The following NIF3L1 variants were observed in gnomAD, a reference collection of about 807,000 sequenced individuals.
NIF3L1 encodes the protein NGG1 interacting factor 3 like 1.
Under a neutral mutation model 35.0 loss-of-function variants are expected in NIF3L1, and 26 were observed. The observed-to-expected ratio is 0.74, with a 90% confidence interval of 0.54 to 1.03. NIF3L1 has a LOEUF of 1.03. Ranked by LOEUF, NIF3L1 falls within the 50% of genes least tolerant of loss-of-function variation. NIF3L1 has a pLI of 0.00. For missense variants in NIF3L1, 449 were observed against 466.3 expected (o/e 0.96, Z 0.34); for synonymous variants, 157 against 178.9 (o/e 0.88, Z 0.98).
At chr2:200,898,200 T>A (rs1364219926) in intron 5 of NIF3L1, among the ~76,000 whole-genome samples, 1 of 152,218 alleles carries the variant, frequency 6.6e-6, no homozygotes, top group Non-Finnish European at 1.5e-5. Context: ...GTTCTCACGC[T>A]GCTATGAAGA....
chr2:200,901,198 T>TTA (rs145723757), intron 6 of NIF3L1, among the ~76,000 whole-genome samples: 8,059 of 152,278 alleles, frequency 0.053, 293 homozygotes, highest in African/African-American at 0.094. Context: ...TGATAAAAGC[T>TTA]TATAGCATTT....
At chr2:200,902,771 A>T (rs1052458699) in intron 6 of NIF3L1, among the ~76,000 whole-genome samples, 2 of 152,192 alleles carry the variant, frequency 1.3e-5, no homozygotes, top group Non-Finnish European at 2.9e-5. Context: ...TGGTGCTTAC[A>T]AAGCATAAGT....
At chr2:200,890,998 C>CGCCAGGCTGGAGTGCTGTGGCATGATCTT (rs2040177220) in intron 1 of NIF3L1, among the ~76,000 whole-genome samples, 1 of 147,678 alleles carries the variant, frequency 6.8e-6, no homozygotes, top group Non-Finnish European at 1.5e-5. Context: ...GTTGCTCTCT[C>CGCCAGGCTGGAGTGCTGTGGCATGATCTT]GCCAGGCTGG....
intron 6 of NIF3L1, 85 bp downstream of exon 6, chr2:200,899,553 G>A (rs2040378599): frequency 2.4e-6 from 2 of 834,540 alleles, no homozygotes; most frequent in South Asian, 1.5e-5. Context: ...GCACATAGAT[G>A]ATACCTAATT....
chr2:200,894,760 A>G (rs1260681087), intron 3 of NIF3L1, among the ~76,000 whole-genome samples: 4 of 149,570 alleles, frequency 2.7e-5, no homozygotes. Flanking sequence ...AAAAAATAAT[A>G]AGATAGGGTC....
chr2:200,902,061 A>C (rs1386115488), intron 6 of NIF3L1, among the ~76,000 whole-genome samples: 1 of 152,224 alleles, frequency 6.6e-6, no homozygotes, highest in East Asian at 1.9e-4. Flanking sequence ...GGAATTAAGA[A>C]AACTCATTTT....
intron 6 of NIF3L1, among the ~76,000 whole-genome samples, chr2:200,903,026 T>C (rs2040433594): frequency 6.6e-6 from 1 of 152,124 alleles, no homozygotes; most frequent in Non-Finnish European, 1.5e-5. Context: ...ATTTTCAAGA[T>C]AGTCTTACTC....
Position 200,892,022 on chromosome 2 carries a change from T to C in NIF3L1, c.79T>C (p.Phe27Leu). 6.2e-7 allele frequency: 1 copy of C among 1,614,218 alleles called. No homozygotes were observed. The highest frequency in any genetic ancestry group is 8.5e-7 in the Non-Finnish European group (1 of 1,180,020). ...CCTGATCTGCAATTCTTCCCGTTCC[T>C]TCATGGATTTGAAGGCTCTCCTTTC... ...DSLICNSSRS[F>L]MDLKALLSSL... The change falls in exon 2 of 7, where the codon TTC (phenylalanine) becomes CTC (leucine). Residue 27 changes from phenylalanine to leucine, a missense_variant. Coordinates refer to ENST00000409020, the MANE Select transcript of NIF3L1 (RefSeq NM_001369441.2).
Position 200,889,607 on chromosome 2 carries a change from G to A in NIF3L1, c.-72G>A, listed in dbSNP as rs2040121377. ...TGGCTGTGTCTCGTGGTTTTTCACTGTCCTGGAAAAGGCCTGAAGTGGCAC... is the reference window on the plus strand; with the variant it reads ...TGGCTGTGTCTCGTGGTTTTTCACTATCCTGGAAAAGGCCTGAAGTGGCAC... On this transcript the variant is annotated 5_prime_UTR_variant, in exon 1 of 7. Transcript: ENST00000409020. 2 of 156,292 alleles carry A rather than the reference G, an allele frequency of 1.3e-5. No homozygotes were observed. Among genetic ancestry groups the A allele is most frequent in the Non-Finnish European group, 1.4e-5 (1 of 70,068 alleles). The allele number at this position is 156,292 out of a possible 1,614,324, so 9.7% of individuals were successfully genotyped here. A position where few individuals can be genotyped will look rare whatever the true frequency, so the allele number is the denominator to read the frequency against.
intron 6 of NIF3L1, among the ~76,000 whole-genome samples, chr2:200,901,377 A>T (rs2040408058): frequency 1.3e-5 from 2 of 152,190 alleles, no homozygotes; most frequent in Non-Finnish European, 2.9e-5. Context: ...CTGTTTCCTT[A>T]TACTTTTTTA....
Position 200,903,569 on chromosome 2 carries a change from C to A in NIF3L1, c.1025C>A (p.Thr342Asn), listed in dbSNP as rs1454099324. ...INVILCEHSN[T>N]ERGFLSDLRD... ...GTCATCCTCTGTGAACACAGCAACA[C>A]TGAACGAGGCTTTCTTTCTGACCTT... The change falls in exon 7 of 7, where the codon ACT becomes AAT. Residue 342 changes from threonine (T) to asparagine (N), a missense_variant. Coordinates refer to ENST00000409020, the MANE Select transcript of NIF3L1 (RefSeq NM_001369441.2). 1.9e-6 allele frequency: 3 copies of A among 1,614,020 alleles called. No homozygotes were observed. The highest frequency in any genetic ancestry group is 2.5e-6 in the Non-Finnish European group (3 of 1,179,870).
At chr2:200,890,953 T>TC (rs2040173797) in intron 1 of NIF3L1, among the ~76,000 whole-genome samples, 1 of 144,890 alleles carries the variant, frequency 6.9e-6, no homozygotes, top group Admixed American at 7.0e-5. Context: ...TTTTAAACAT[T>TC]CTTTTTTTTT....
At chr2:200,897,344 T>C in intron 5 of NIF3L1, 130 bp downstream of exon 5, 3 of 973,836 alleles carry the variant, frequency 3.1e-6, no homozygotes, top group Non-Finnish European at 4.5e-6. Context: ...GTTTACGTTA[T>C]TGATTAGGGT....
At position 200,903,772 on chromosome 2, in the gene NIF3L1, A is replaced by T. The variant is rs1559352521; in HGVS notation, c.*94A>T. On this transcript the variant is annotated 3_prime_UTR_variant, in exon 7 of 7. Coordinates refer to ENST00000409020, the MANE Select transcript of NIF3L1 (RefSeq NM_001369441.2). ...CAGTGGGACTGGTGTGCTTCCAGAGAGTGTCTTCGAGGGTATCATCATTTC... is the reference window on the plus strand; with the variant it reads ...CAGTGGGACTGGTGTGCTTCCAGAGTGTGTCTTCGAGGGTATCATCATTTC... 2 of 957,760 alleles carry T rather than the reference A, an allele frequency of 2.1e-6. No individual in the cohort carries two copies. Among genetic ancestry groups the T allele is most frequent in the South Asian group, 2.6e-5 (2 of 76,774 alleles). The allele number at this position is 957,760 out of a possible 1,614,324, so 59.3% of individuals were successfully genotyped here. A position where few individuals can be genotyped will look rare whatever the true frequency, so the allele number is the denominator to read the frequency against.
At chr2:200,895,978 C>CTTT (rs112961248) in intron 4 of NIF3L1, among the ~76,000 whole-genome samples, 1 of 145,874 alleles carries the variant, frequency 6.9e-6, no homozygotes, top group African/African-American at 2.5e-5. Context: ...GCCACCCCCG[C>CTTT]TTTTTTTTTT....
chr2:200,903,830 T>A lies in NIF3L1; in HGVS notation c.*152T>A. On this transcript the variant is annotated 3_prime_UTR_variant, in exon 7 of 7. Transcript: ENST00000409020. ...TTAATCTTATTCACCAAATGTTCTA[T>A]CGCTCGTAAGGTAAAACTGTAATAT... is the stretch of plus-strand genomic sequence containing the variant. The A allele has an allele frequency of 3.0e-6, 2 of 677,480 alleles. No individual in the cohort carries two copies. The highest frequency in any genetic ancestry group is 5.4e-5 in the East Asian group (2 of 36,888). The allele number at this position is 677,480 out of a possible 1,614,324, so 42.0% of individuals were successfully genotyped here.
intron 2 of NIF3L1, among the ~76,000 whole-genome samples, 169 bp from the exon 3 acceptor site, chr2:200,893,077 A>C (rs1437129529): frequency 1.3e-5 from 2 of 152,222 alleles, no homozygotes; most frequent in Non-Finnish European, 2.9e-5. Flanking sequence ...AAAGCCCTAG[A>C]TTATGGGGAC....
At chr2:200,897,265 A>G (rs780729864) in intron 5 of NIF3L1, 51 bp downstream of exon 5, 1 of 1,573,320 alleles carries the variant, frequency 6.4e-7, no homozygotes, top group Non-Finnish European at 8.7e-7. Flanking sequence ...AACATTGGAC[A>G]AAGATCGAAA....
intron 1 of NIF3L1, among the ~76,000 whole-genome samples, chr2:200,889,983 A>G (rs2040135527): frequency 6.6e-6 from 1 of 152,226 alleles, no homozygotes; most frequent in African/African-American, 2.4e-5. Flanking sequence ...CAAAACCTGC[A>G]TGATGGCCCA....
Sources: gnomAD v4.1 joint callset for allele counts (sites outside exome capture counted in the v4.1 genomes callset) on GRCh38, gnomAD v4.1.1 for gene constraint, MANE v1.5 for transcripts, NCBI Gene and HGNC (gene_info 2026-07-23, HGNC 2026-07-21) for gene names.